Variants in TCOF1 observed in about 807,000 individuals in gnomAD.
The protein encoded by TCOF1 is treacle ribosome biogenesis factor 1, also known as treacle protein.
A neutral mutation model predicts 149.0 loss-of-function variants in TCOF1; 33 were observed. The ratio of observed to expected loss-of-function variants is 0.22; its 90% CI spans 0.17 to 0.30. The LOEUF is 0.30. Among genes scored for constraint, TCOF1 ranks in the 10% least tolerant of loss-of-function variants. The probability of loss-of-function intolerance (pLI) is 1.00; values close to 1 mark genes in which losing one functional copy is unlikely to be tolerated. For missense variants in TCOF1, 1,728 were observed against 1,840.7 expected (o/e 0.94, Z 1.12); for synonymous variants, 789 against 738.8 (o/e 1.07, Z -1.10).
Position 150,374,826 on chromosome 5 carries a change from A to C in TCOF1, c.1278+15A>C. 2.5e-6 allele frequency: 4 copies of C among 1,602,806 alleles called. No individual in the cohort carries two copies. The highest frequency in any genetic ancestry group is 3.4e-6 in the Non-Finnish European group (4 of 1,175,368). ...CGCCTGCTCAGGTGAGGCAGAGGGG[A>C]GGGGTGGAGAGTAGCCCCATGCCTA... On this transcript the variant is annotated intron_variant, in intron 9 of 26. Transcript: ENST00000643257.
chr5:150,393,544 C>A lies in TCOF1; in HGVS notation c.3776C>A (p.Pro1259His). ...CAACAGGCAGCAGGCATGTTGTCCC[C>A]TAAAACAGGTAAGTTAAGGTCTGCA... ...KPQQAAGMLS[P>H]KTGGKEAASG... Residue 1259 changes from proline to histidine, a missense_variant, in exon 23 of 27, where the codon CCT becomes CAT. Around this residue, in one of 2 missense-constraint regions of TCOF1, gnomAD observed 1,696 missense variants for 1,765.4 expected, o/e 0.96. Transcript: ENST00000643257. The A allele has an allele frequency of 6.2e-7, 1 of 1,614,148 alleles. No homozygotes were observed. Among genetic ancestry groups the A allele is most frequent in the South Asian group, 1.1e-5 (1 of 91,078 alleles).
chr5:150,381,992 T>TC (rs1357391774), intron 17 of TCOF1, among the ~76,000 whole-genome samples: 1 of 152,060 alleles, frequency 6.6e-6, no homozygotes, highest in African/African-American at 2.4e-5. Context: ...GGTCAGGAGT[T>TC]CAAGACCAGC....
At chr5:150,375,590 C>G in intron 11 of TCOF1, 36 bp downstream of exon 11, 1 of 1,612,358 alleles carries the variant, frequency 6.2e-7, no homozygotes, top group Non-Finnish European at 8.5e-7. Context: ...TTCTTTTTCC[C>G]CCCCACTCAG....
chr5:150,367,596 G>A (rs1333512435), intron 3 of TCOF1: 3 of 515,644 alleles, frequency 5.8e-6, no homozygotes, highest in Non-Finnish European at 1.1e-5. Context: ...ATGCTGCGGG[G>A]GAGTTGGGAA....
rs1581120526 is a variant in TCOF1 at position 150,376,012 on chromosome 5, G to T, written c.1894-70G>T. On this transcript the variant is annotated intron_variant, in intron 12 of 26. Coordinates refer to ENST00000643257, the MANE Select transcript of TCOF1 (RefSeq NM_001371623.1). ...CTCAGGCAGAGCATGGGTTTTGGCT[G>T]GTGGGGCAGAACAGATGGGGGACTC... The T allele has an allele frequency of 2.2e-5, 36 of 1,613,494 alleles. 1 individual carries two copies. The South Asian group carries it at 2.7e-4, about 12-fold the overall frequency.
rs369804013 is a variant in TCOF1 at position 150,375,054 on chromosome 5, G to T, written c.1379G>T (p.Gly460Val). 6.4e-5 allele frequency: 104 copies of T among 1,614,122 alleles called. No homozygotes were observed. The highest frequency in any genetic ancestry group is 8.3e-5 in the Admixed American group (5 of 60,024). The change falls in exon 10 of 27, where the codon GGG becomes GTG. Residue 460 changes from glycine to valine, a missense_variant. This residue lies in a region of TCOF1 where 1,696 missense variants were observed against 1,765.4 expected (regional missense o/e 0.96). Transcript: ENST00000643257. ...GCCCCAGCACCTCCTAGGAAAACAG[G>T]GCCTGCAGCCGCCCAGGTCCAGGTG... ...GAAPAPPRKT[G>V]PAAAQVQVGK...
At position 150,392,800 on chromosome 5, in the gene TCOF1, A is replaced by C. The variant is rs976170759; in HGVS notation, c.3603+10A>C. The C allele has an allele frequency of 9.3e-6, 15 of 1,613,618 alleles. No homozygotes were observed. In the African/African-American group the frequency reaches 1.7e-4, roughly 19 times the overall value. On this transcript the variant is annotated intron_variant, in intron 22 of 26. Coordinates refer to ENST00000643257, the MANE Select transcript of TCOF1 (RefSeq NM_001371623.1). ...GGTGGCGCCATCCCAGGTAACTGCA[A>C]GGGAGAGGACTGGCAGCCCATAGGC...
chr5:150,386,107 C>T (rs1161370236), intron 17 of TCOF1, among the ~76,000 whole-genome samples: 2 of 152,196 alleles, frequency 1.3e-5, no homozygotes, highest in Non-Finnish European at 2.9e-5. Flanking sequence ...TCACTGCCCA[C>T]CTTTATGAAC....
intron 18 of TCOF1, among the ~76,000 whole-genome samples, chr5:150,388,501 A>G (rs1274863070): frequency 2.0e-5 from 3 of 152,214 alleles, no homozygotes; most frequent in Admixed American, 6.5e-5. Context: ...GATTTCATCT[A>G]TCAGAGAGAC....
intron 7 of TCOF1, among the ~76,000 whole-genome samples, chr5:150,372,965 T>G (rs911670763): frequency 6.6e-6 from 1 of 152,198 alleles, no homozygotes; most frequent in African/African-American, 2.4e-5. Flanking sequence ...CTACGAATTG[T>G]GACAAATTGT....
At chr5:150,379,494 C>T in intron 16 of TCOF1, 38 bp from the exon 17 acceptor site, 3 of 1,613,420 alleles carry the variant, frequency 1.9e-6, no homozygotes, top group Non-Finnish European at 2.5e-6. Context: ...CACGTCCACC[C>T]TCCAGGCTCT....
At chr5:150,376,749 T>G in intron 14 of TCOF1, 129 bp downstream of exon 14, 1 of 909,248 alleles carries the variant, frequency 1.1e-6, no homozygotes, top group Non-Finnish European at 1.8e-6. Context: ...TCAACACAGC[T>G]TCCTTCCCTA....
At chr5:150,369,866 G>T (rs1762154882) in intron 6 of TCOF1, among the ~76,000 whole-genome samples, 1 of 152,138 alleles carries the variant, frequency 6.6e-6, no homozygotes, top group Non-Finnish European at 1.5e-5. Context: ...TGGGAGAGGT[G>T]CCCTGGAGTA....
At position 150,379,697 on chromosome 5, in the gene TCOF1, G is replaced by A; in HGVS notation, c.2824G>A (p.Asp942Asn). ...SGSSSEESDS[D>N]GEAPAAVTSA... ...GAGCAGCAGCGAGGAATCAGACAGT[G>A]ATGGGGAGGCACCGGCAGCTGTGAC... The change falls in exon 17 of 27, where the codon GAT becomes AAT. Residue 942 changes from aspartate (D) to asparagine (N), a missense_variant. This residue lies in a region of TCOF1 where 1,696 missense variants were observed against 1,765.4 expected (regional missense o/e 0.96). Transcript: ENST00000643257. 6.2e-7 allele frequency: 1 copy of A among 1,614,224 alleles called. No individual in the cohort carries two copies. The highest frequency in any genetic ancestry group is 8.5e-7 in the Non-Finnish European group (1 of 1,180,042).
intron 1 of TCOF1, among the ~76,000 whole-genome samples, chr5:150,358,219 G>T (rs945910959): frequency 6.6e-6 from 1 of 152,132 alleles, no homozygotes; most frequent in East Asian, 1.9e-4. Flanking sequence ...GGGCAAGGAG[G>T]TTGCTGCGAG....
At chr5:150,380,014 G>A in intron 17 of TCOF1, 1 of 407,502 alleles carries the variant, frequency 2.5e-6, no homozygotes, top group South Asian at 2.1e-5. Flanking sequence ...GGAGGCTGCA[G>A]CAAGCCAAGA....
intron 7 of TCOF1, among the ~76,000 whole-genome samples, 171 bp downstream of exon 7, chr5:150,372,407 G>A (rs549965710): frequency 1.3e-5 from 2 of 152,354 alleles, no homozygotes; most frequent in Admixed American, 1.3e-4. Context: ...ACTCCACTTT[G>A]TCTGTGACCA....
chr5:150,383,524 G>T (rs186950222), intron 17 of TCOF1, among the ~76,000 whole-genome samples: 7 of 152,324 alleles, frequency 4.6e-5, no homozygotes, highest in Admixed American at 4.6e-4. Flanking sequence ...CTGTGCACTG[G>T]TGCCAGCACA....
At chr5:150,389,137 A>G (rs1331208819) in intron 18 of TCOF1, among the ~76,000 whole-genome samples, 2 of 152,166 alleles carry the variant, frequency 1.3e-5, no homozygotes, top group Admixed American at 6.5e-5. Flanking sequence ...ATATGTGTGT[A>G]TGTGTGTGTA....
Sources: gnomAD v4.1 joint callset for allele counts (sites outside exome capture counted in the v4.1 genomes callset) on GRCh38, gnomAD v4.1.1 for gene constraint, gnomAD v4.1.1 regional missense constraint, MANE v1.5 for transcripts, NCBI Gene and HGNC (gene_info 2026-07-23, HGNC 2026-07-21) for gene names.